The following UNC5D variants were observed in gnomAD, a reference collection of about 807,000 sequenced individuals.
The protein encoded by UNC5D is unc-5 netrin receptor D.
Under a neutral mutation model 105.4 loss-of-function variants are expected in UNC5D, and 39 were observed. The ratio of observed to expected loss-of-function variants is 0.37; its 90% confidence interval spans 0.29 to 0.48. The LOEUF (loss-of-function observed/expected upper bound fraction) is 0.48, where lower values mean the gene tolerates loss of function less well. Among genes scored for constraint, UNC5D ranks in the 20% least tolerant of loss-of-function variants. UNC5D has a pLI of 0.98. For synonymous variants in UNC5D, 452 were observed against 450.4 expected (o/e 1.00, Z -0.04); for missense variants, 991 against 1,202.4 (o/e 0.82, Z 2.60).
intron 16 of UNC5D, among the ~76,000 whole-genome samples, chr8:35,777,741 CT>C (rs1313061116): frequency 6.6e-6 from 1 of 152,156 alleles, no homozygotes; most frequent in Non-Finnish European, 1.5e-5. Context: ...ACAACGACCC[CT>C]ATTTGGATTA....
intron 1 of UNC5D, among the ~76,000 whole-genome samples, chr8:35,299,262 G>A: frequency 6.6e-6 from 1 of 152,196 alleles, no homozygotes; most frequent in East Asian, 1.9e-4. Flanking sequence ...GACCAAACTG[G>A]CAACGTTGGA....
intron 1 of UNC5D, among the ~76,000 whole-genome samples, chr8:35,476,824 T>C (rs1393451461): frequency 6.6e-6 from 1 of 152,188 alleles, no homozygotes. Flanking sequence ...TGCATACATA[T>C]TTTTTTCCAT....
intron 4 of UNC5D, among the ~76,000 whole-genome samples, chr8:35,674,078 AGT>A (rs1825027938): frequency 6.6e-6 from 1 of 152,180 alleles, no homozygotes; most frequent in African/African-American, 2.4e-5. Context: ...ATATAACTGG[AGT>A]GTGTGCATTC....
intron 1 of UNC5D, among the ~76,000 whole-genome samples, chr8:35,397,049 G>T (rs1323122583): frequency 1.3e-5 from 2 of 151,738 alleles, no homozygotes; most frequent in African/African-American, 2.4e-5. Flanking sequence ...TGGGATTACA[G>T]GTGTGTGCCA....
At chr8:35,495,470 A>AAAAAAAAAAAAG in intron 1 of UNC5D, among the ~76,000 whole-genome samples, 1 of 150,900 alleles carries the variant, frequency 6.6e-6, no homozygotes. Context: ...AAAAAAAAAA[A>AAAAAAAAAAAAG]AAAAAAAAAA....
chr8:35,669,793 T>A (rs1824659727), intron 4 of UNC5D, among the ~76,000 whole-genome samples: 1 of 152,124 alleles, frequency 6.6e-6, no homozygotes, highest in Non-Finnish European at 1.5e-5. Flanking sequence ...GGTAAGGAAA[T>A]CATCCGTCCC....
intron 1 of UNC5D, among the ~76,000 whole-genome samples, chr8:35,442,904 T>TCACACACACA (rs373759766): frequency 3.6e-4 from 51 of 141,356 alleles, no homozygotes; most frequent in African/African-American, 1.4e-3. Flanking sequence ...TCTCTCTCTC[T>TCACACACACA]CACACACACA....
chr8:35,415,844 A>G (rs1008499573), intron 1 of UNC5D, among the ~76,000 whole-genome samples: 4 of 152,178 alleles, frequency 2.6e-5, no homozygotes, highest in Non-Finnish European at 4.4e-5. Context: ...TAATTATTTT[A>G]TGGACCAGAA....
Position 35,748,464 on chromosome 8 carries a change from C to A in UNC5D, c.1767-63C>A, listed in dbSNP as rs533955564. 9.9e-6 allele frequency: 15 copies of A among 1,519,062 alleles called. No individual in the cohort carries two copies. In the African/African-American group the frequency reaches 2.0e-4, roughly 20 times the overall value. 94.1% of individuals were successfully genotyped at this position (1,519,062 alleles called of 1,614,324 possible). A position where few individuals can be genotyped will look rare whatever the true frequency, so the allele number is the denominator to read the frequency against. The stretch of plus-strand genomic sequence containing the variant: ...AAAACCCCAGTCTGTTAACCAAATT[C>A]TCATTCAAATATGGCCCCTCCTCTA... On this transcript the variant is annotated intron_variant, in intron 11 of 16. Coordinates refer to ENST00000404895, the MANE Select transcript of UNC5D (RefSeq NM_080872.4).
intron 1 of UNC5D, among the ~76,000 whole-genome samples, chr8:35,337,154 T>C (rs116566710): frequency 6.6e-6 from 1 of 152,134 alleles, no homozygotes; most frequent in Non-Finnish European, 1.5e-5. Flanking sequence ...TATCTTAATT[T>C]TGTCTTTTTC....
intron 7 of UNC5D, among the ~76,000 whole-genome samples, chr8:35,687,503 G>A (rs1265982120): frequency 6.6e-6 from 1 of 151,942 alleles, no homozygotes; most frequent in Non-Finnish European, 1.5e-5. Flanking sequence ...GAAGTGGGTG[G>A]CTTTGTATCA....
At chr8:35,592,896 G>C (rs1819257494) in intron 3 of UNC5D, among the ~76,000 whole-genome samples, 1 of 152,040 alleles carries the variant, frequency 6.6e-6, no homozygotes, top group Non-Finnish European at 1.5e-5. Context: ...GACTCTTCCA[G>C]TCATTTCAAA....
intron 4 of UNC5D, among the ~76,000 whole-genome samples, chr8:35,610,439 TC>T (rs754339003): frequency 9.9e-5 from 15 of 152,170 alleles, no homozygotes; most frequent in Non-Finnish European, 2.2e-4. Context: ...TATATTCTGT[TC>T]CTCTTTATTT....
intron 1 of UNC5D, among the ~76,000 whole-genome samples, chr8:35,518,981 C>G (rs947057787): frequency 2.0e-5 from 3 of 152,130 alleles, no homozygotes; most frequent in African/African-American, 7.2e-5. Flanking sequence ...AATCCTAGTT[C>G]TATAATTGAA....
At chr8:35,598,841 A>T (rs1332405082) in intron 4 of UNC5D, among the ~76,000 whole-genome samples, 2 of 152,108 alleles carry the variant, frequency 1.3e-5, no homozygotes, top group Non-Finnish European at 2.9e-5. Context: ...CTCTATGCAG[A>T]ACCTAAAAAA....
rs1486987617 is a variant in UNC5D, at chr8:35,766,964, G to A, written c.2376G>A (p.Leu792=). 7 of 1,613,884 alleles carry A rather than the reference G, an allele frequency of 4.3e-6. No individual in the cohort carries two copies. The highest frequency in any genetic ancestry group is 5.9e-6 in the Non-Finnish European group (7 of 1,179,970). ...AGCCCCTGCACTGTGCCTTCTCCCT[G>A]GAGCGTTATACGCCCACTACCACCC... ...NRQPLHCAFS[L]ERYTPTTTQL... is the part of the protein sequence containing the mutation. Residue 792 remains leucine, a synonymous_variant, in exon 15 of 17, where the codon CTG becomes CTA. Transcript: ENST00000404895.
chr8:35,657,080 G>GTGTGTATATA (rs1281641556), intron 4 of UNC5D, among the ~76,000 whole-genome samples: 14 of 46,510 alleles, frequency 3.0e-4, no homozygotes, highest in African/African-American at 9.1e-4. Context: ...GTGTGTGTGT[G>GTGTGTATATA]TATATATATA....
At chr8:35,476,501 G>A (rs1229376498) in intron 1 of UNC5D, among the ~76,000 whole-genome samples, 1 of 152,192 alleles carries the variant, frequency 6.6e-6, no homozygotes, top group Non-Finnish European at 1.5e-5. Context: ...AAGGACAAAG[G>A]AGATGTGTAT....
chr8:35,601,855 A>G (rs7010859), intron 4 of UNC5D, among the ~76,000 whole-genome samples: 28,752 of 152,028 alleles, frequency 0.19, 6,228 homozygotes, highest in African/African-American at 0.53. Flanking sequence ...GAGTGGTGAG[A>G]GGGCATCCCT....
Sources: allele counts gnomAD v4.1 joint callset (sites outside exome capture counted in the v4.1 genomes callset), GRCh38; gene constraint gnomAD v4.1.1; transcripts MANE v1.5; gene names NCBI Gene and HGNC (gene_info 2026-07-23, HGNC 2026-07-21).